TEAD1: variants seen among roughly 807,000 people sequenced by gnomAD.
The protein encoded by TEAD1 is TEA domain transcription factor 1.
Under a neutral mutation model 54.9 loss-of-function variants are expected in TEAD1, and 9 were observed. The observed-to-expected ratio is 0.16, with a 90% CI of 0.10 to 0.29. TEAD1 has a LOEUF of 0.29. Among genes scored for constraint, TEAD1 ranks in the 10% least tolerant of loss-of-function variants. The pLI is 1.00. For missense variants in TEAD1, 387 were observed against 535.9 expected, an observed-to-expected ratio of 0.72 and a Z score of 2.74; for synonymous variants, 200 against 187.8, an observed-to-expected ratio of 1.07 and a Z score of -0.53.
intron 3 of TEAD1, among the ~76,000 whole-genome samples, chr11:12,856,730 A>G (rs1390235186): frequency 6.6e-6 from 1 of 152,210 alleles, no homozygotes; most frequent in Non-Finnish European, 1.5e-5. Context: ...CATCCTTCCC[A>G]GTGAAGGGAA....
chr11:12,695,358 A>C (rs1943557672), intron 2 of TEAD1, among the ~76,000 whole-genome samples: 1 of 152,216 alleles, frequency 6.6e-6, no homozygotes, highest in Non-Finnish European at 1.5e-5. Flanking sequence ...TTAACATGTA[A>C]ATAGTCACTG....
chr11:12,784,421 G>A (rs983882058), intron 3 of TEAD1, among the ~76,000 whole-genome samples: 1 of 152,162 alleles, frequency 6.6e-6, no homozygotes, highest in African/African-American at 2.4e-5. Context: ...CACAGGGTTT[G>A]GAGTTGAGAC....
At chr11:12,749,105 C>G (rs1025005051) in intron 2 of TEAD1, among the ~76,000 whole-genome samples, 1 of 152,120 alleles carries the variant, frequency 6.6e-6, no homozygotes, top group African/African-American at 2.4e-5. Flanking sequence ...TGTCAGGGCC[C>G]ACTGTGCCAG....
At chr11:12,790,963 T>G (rs1005334693) in intron 3 of TEAD1, among the ~76,000 whole-genome samples, 1 of 152,228 alleles carries the variant, frequency 6.6e-6, no homozygotes, top group Non-Finnish European at 1.5e-5. Context: ...TTCCTCAAAA[T>G]GTTAAACGTA....
intron 3 of TEAD1, among the ~76,000 whole-genome samples, chr11:12,834,304 G>A (rs1002657144): frequency 1.3e-5 from 2 of 152,232 alleles, no homozygotes; most frequent in African/African-American, 4.8e-5. Flanking sequence ...ACATAGGATA[G>A]ACAGTGGCTG....
At chr11:12,919,657 C>G (rs1429348556) in intron 10 of TEAD1, among the ~76,000 whole-genome samples, 2 of 151,068 alleles carry the variant, frequency 1.3e-5, no homozygotes, top group African/African-American at 4.9e-5. Context: ...CCATGTCCGG[C>G]TAATTAAAAA....
At chr11:12,824,676 G>C (rs1316099614) in intron 3 of TEAD1, among the ~76,000 whole-genome samples, 1 of 152,196 alleles carries the variant, frequency 6.6e-6, no homozygotes, top group Non-Finnish European at 1.5e-5. Flanking sequence ...TCCTAGCTGG[G>C]TGATGGGGGT....
chr11:12,717,639 T>C (rs1323871918), intron 2 of TEAD1, among the ~76,000 whole-genome samples: 1 of 152,126 alleles, frequency 6.6e-6, no homozygotes, highest in African/African-American at 2.4e-5. Flanking sequence ...GACCTGCTTA[T>C]TTGAAAGTGG....
At chr11:12,759,421 C>T (rs1204402970) in intron 2 of TEAD1, among the ~76,000 whole-genome samples, 1 of 147,974 alleles carries the variant, frequency 6.8e-6, no homozygotes, top group East Asian at 1.9e-4. Context: ...GTTGTTGAGG[C>T]AGTTACCAGG....
intron 10 of TEAD1, among the ~76,000 whole-genome samples, chr11:12,911,462 GA>G (rs1440727680): frequency 6.6e-6 from 1 of 152,160 alleles, no homozygotes; most frequent in Non-Finnish European, 1.5e-5. Context: ...CACATGTTTT[GA>G]ACTGCTATCA....
At chr11:12,694,523 A>G (rs571380246) in intron 2 of TEAD1, among the ~76,000 whole-genome samples, 3 of 152,240 alleles carry the variant, frequency 2.0e-5, no homozygotes, top group East Asian at 1.9e-4. Flanking sequence ...TTGTCTCCCA[A>G]TGTTGGGTCT....
chr11:12,681,205 A>G (rs895593045), intron 2 of TEAD1, among the ~76,000 whole-genome samples: 1 of 152,168 alleles, frequency 6.6e-6, no homozygotes, highest in Non-Finnish European at 1.5e-5. Context: ...AACAGAAAAC[A>G]GATACTTAAT....
intron 2 of TEAD1, among the ~76,000 whole-genome samples, chr11:12,757,982 G>A (rs1203451231): frequency 1.3e-5 from 2 of 152,026 alleles, no homozygotes; most frequent in East Asian, 3.9e-4. Flanking sequence ...GTTTCACTGT[G>A]TTGATCAGGC....
At chr11:12,883,554 G>A (rs1174546087) in intron 9 of TEAD1, among the ~76,000 whole-genome samples, 1 of 152,166 alleles carries the variant, frequency 6.6e-6, no homozygotes, top group Non-Finnish European at 1.5e-5. Context: ...GAAACAGAGA[G>A]CGTAAGTAAC....
intron 2 of TEAD1, among the ~76,000 whole-genome samples, chr11:12,723,261 T>G (rs1041276407): frequency 1.3e-5 from 2 of 152,248 alleles, no homozygotes; most frequent in Non-Finnish European, 2.9e-5. Context: ...GCACATCGTT[T>G]AATTGATATT....
At chr11:12,687,088 TC>T (rs1943350194) in intron 2 of TEAD1, among the ~76,000 whole-genome samples, 1 of 152,206 alleles carries the variant, frequency 6.6e-6, no homozygotes, top group Admixed American at 6.5e-5. Context: ...TGGTTGGGAA[TC>T]CTCTGCTATG....
chr11:12,834,669 C>T (rs1312851475), intron 3 of TEAD1, among the ~76,000 whole-genome samples: 1 of 151,806 alleles, frequency 6.6e-6, no homozygotes, highest in East Asian at 1.9e-4. Context: ...ACAGTGTTGC[C>T]CAGGCTGGTC....
intron 2 of TEAD1, among the ~76,000 whole-genome samples, chr11:12,694,404 C>T (rs75849455): frequency 6.9e-6 from 1 of 145,050 alleles, no homozygotes; most frequent in Non-Finnish European, 1.5e-5. Flanking sequence ...ACAGGGTCCT[C>T]TTTTTTTTTT....
chr11:12,932,332 G>C lies in TEAD1; in HGVS notation c.1167+2006G>C, dbSNP rs970986895. ...CACTTTAGCAGTCAGACGAGTAGAA[G>C]GTAAGTGTGACATCTACTGAGGATC... On this transcript the variant is annotated intron_variant, in intron 12 of 12. Transcript: ENST00000527636. Among the ~76,000 whole-genome samples, 3 of 152,098 alleles carry C rather than the reference G, an allele frequency of 2.0e-5. No individual in the cohort carries two copies. The East Asian group carries it at 5.8e-4, about 29-fold the overall frequency.
Sources: allele counts gnomAD v4.1 joint callset (sites outside exome capture counted in the v4.1 genomes callset), GRCh38; gene constraint gnomAD v4.1.1; transcripts MANE v1.5; gene names NCBI Gene and HGNC (gene_info 2026-07-23, HGNC 2026-07-21).